The following MIA3 variants were observed in gnomAD, a reference collection of about 807,000 sequenced individuals.
MIA3 encodes MIA SH3 domain ER export factor 3, also known as transport and Golgi organization protein 1 homolog.
MIA3 carries 90 observed loss-of-function variants against 192.4 expected under a neutral mutation model. The ratio of observed to expected loss-of-function variants is 0.47; its 90% CI spans 0.39 to 0.56. The LOEUF is 0.56. MIA3 is among the 20% of genes least tolerant of loss of function. The pLI, the probability that MIA3 is intolerant of heterozygous loss-of-function variation, is 0.00. For missense variants in MIA3, 2,123 were observed against 2,269.4 expected, an observed-to-expected ratio of 0.94 and a Z score of 1.31; for synonymous variants, 740 against 792.8, an observed-to-expected ratio of 0.93 and a Z score of 1.12.
At chr1:222,638,213 A>G (rs2124870671) in intron 6 of MIA3, among the ~76,000 whole-genome samples, 1 of 152,338 alleles carries the variant, frequency 6.6e-6, no homozygotes, top group Middle Eastern at 3.4e-3. Context: ...ATTATCAGCC[A>G]TAAAACAAGT....
chr1:222,635,736 ATAGT>A (rs1339903835), intron 6 of MIA3, among the ~76,000 whole-genome samples: 1 of 152,180 alleles, frequency 6.6e-6, no homozygotes, highest in Non-Finnish European at 1.5e-5. Flanking sequence ...TAATTGATGA[ATAGT>A]TAGTGGAATC....
rs148013914 is a variant in MIA3, at chr1:222,621,809, G to GT, written c.267+520dup. On this transcript the variant is annotated intron_variant, in intron 2 of 27. Transcript: ENST00000344922. ...TTGTTTCTCGTGTGCTTTCTTGTTT[G>GT]TTTGTTTTTTTTTTTTTGAGGCGGA... Among the ~76,000 whole-genome samples, 38 of 97,216 alleles carry GT rather than the reference G, an allele frequency of 3.9e-4. 1 individual carries two copies. The highest frequency in any genetic ancestry group is 1.6e-3 in the South Asian group (5 of 3,042). The allele number at this position is 97,216 out of a possible 152,430, so 63.8% of individuals were successfully genotyped here. A position where few individuals can be genotyped will look rare whatever the true frequency, so the allele number is the denominator to read the frequency against.
rs1664151023 is a variant in MIA3, at chr1:222,663,994, G to T, written c.5263-4G>T. ...TCAAAACTTCAATTGTTTCTACTCTGCAGGTTAATATGGCTCCAAAAGGGC... is the reference window on the plus strand; with the variant it reads ...TCAAAACTTCAATTGTTTCTACTCTTCAGGTTAATATGGCTCCAAAAGGGC... On this transcript the variant is annotated splice_polypyrimidine_tract_variant and splice_region_variant and intron_variant, in intron 26 of 27. Transcript: ENST00000344922. 2 of 1,609,462 alleles carry T rather than the reference G, an allele frequency of 1.2e-6. No individual in the cohort carries two copies. The highest frequency in any genetic ancestry group is 1.7e-5 in the Admixed American group (1 of 58,962).
intron 18 of MIA3, among the ~76,000 whole-genome samples, chr1:222,656,008 C>T (rs922235216): frequency 2.0e-4 from 29 of 144,748 alleles, no homozygotes; most frequent in African/African-American, 5.9e-4. Flanking sequence ...CTCACTCTGC[C>T]GCCCAGGCTG....
intron 2 of MIA3, among the ~76,000 whole-genome samples, chr1:222,623,765 A>G (rs1661983799): frequency 6.6e-6 from 1 of 152,066 alleles, no homozygotes; most frequent in Non-Finnish European, 1.5e-5. Context: ...TGGGAGATCT[A>G]CCTCTCCTTT....
At position 222,628,263 on chromosome 1, in the gene MIA3, A is replaced by T. The variant is rs776382957; in HGVS notation, c.1043A>T (p.Glu348Val). The T allele has an allele frequency of 1.2e-6, 2 of 1,614,132 alleles. No individual in the cohort carries two copies. Among genetic ancestry groups the T allele is most frequent in the Non-Finnish European group, 1.7e-6 (2 of 1,180,028 alleles). The change falls in exon 4 of 28, where the codon GAG becomes GTG. Residue 348 changes from glutamate to valine, a missense_variant. Glu to Val is a moderately radical substitution (Grantham distance 121). This residue lies in a region of MIA3 where 1,357 missense variants were observed against 1,396.1 expected (regional missense o/e 0.97). Coordinates refer to ENST00000344922, the MANE Select transcript of MIA3 (RefSeq NM_198551.4). Reference sequence around the variant, plus strand: ...AAAACTCCAGCAAAGTCTGGCGTTGAGAAATATCCAACAGATAAAGAGCAG... The same window carrying T: ...AAAACTCCAGCAAAGTCTGGCGTTGTGAAATATCCAACAGATAAAGAGCAG... The part of the protein sequence containing the change: ...DMKTPAKSGV[E>V]KYPTDKEQNS...
At chr1:222,662,397 C>G (rs1664062959) in intron 26 of MIA3, 65 bp downstream of exon 26, 3 of 1,585,982 alleles carry the variant, frequency 1.9e-6, no homozygotes, top group Admixed American at 3.3e-5. Flanking sequence ...ACAACTCTCT[C>G]TTTGCCTCAT....
chr1:222,664,317 A>T (rs1664171859), intron 27 of MIA3, among the ~76,000 whole-genome samples, 169 bp downstream of exon 27: 1 of 152,196 alleles, frequency 6.6e-6, no homozygotes, highest in Non-Finnish European at 1.5e-5. Flanking sequence ...GTGCTACATA[A>T]TCTCCTGTGA....
At chr1:222,651,799 C>G (rs570307413) in intron 11 of MIA3, among the ~76,000 whole-genome samples, 178 bp from the exon 12 acceptor site, 25 of 152,192 alleles carry the variant, frequency 1.6e-4, no homozygotes, top group South Asian at 1.0e-3. Flanking sequence ...GATTATTTTC[C>G]CTTACCTCTT....
chr1:222,656,161 T>C lies in MIA3; in HGVS notation c.4607+1368T>C, dbSNP rs978443614. On this transcript the variant is annotated intron_variant, in intron 18 of 27. Coordinates refer to ENST00000344922, the MANE Select transcript of MIA3 (RefSeq NM_198551.4). The stretch of plus-strand genomic sequence containing the variant: ...ATTTTTTTTGTATTTTTAGTAGAGA[T>C]GGGGTTTCACCTGTGTTAGCCAGGA... Among the ~76,000 whole-genome samples, 18 of 151,706 alleles carry C rather than the reference T, an allele frequency of 1.2e-4. No individual in the cohort carries two copies. In the East Asian group the frequency reaches 2.3e-3, roughly 20 times the overall value.
rs952728879 is a variant in MIA3, at chr1:222,650,689, C to G, written c.3776C>G (p.Ser1259Cys). Residue 1259 changes from serine to cysteine, a missense_variant, in exon 10 of 28, where the codon TCT becomes TGT. Physicochemically the swap from Ser to Cys is moderately radical, Grantham distance 112. This residue lies in a region of MIA3 where 762 missense variants were observed against 856.4 expected (regional missense o/e 0.89). Transcript: ENST00000344922. ...QETRKQNMIL[S>C]DEAIKYKDKI... ...ACCAGGAAACAAAATATGATTCTCT[C>G]TGATGAAGCAATTAAATATAAGGTA... 1 of 1,597,422 alleles carries G rather than the reference C, an allele frequency of 6.3e-7. No individual in the cohort carries two copies. Among genetic ancestry groups the G allele is most frequent in the Non-Finnish European group, 8.5e-7 (1 of 1,170,888 alleles).
chr1:222,641,262 T>C (rs1453861252), intron 6 of MIA3, among the ~76,000 whole-genome samples: 1 of 152,250 alleles, frequency 6.6e-6, no homozygotes, highest in Non-Finnish European at 1.5e-5. Context: ...TATACATGCA[T>C]AGAAAGACTT....
intron 6 of MIA3, among the ~76,000 whole-genome samples, chr1:222,643,230 G>C (rs1362129219): frequency 6.6e-6 from 1 of 152,164 alleles, no homozygotes; most frequent in Non-Finnish European, 1.5e-5. Context: ...ATGAGAAAAA[G>C]ATCCAGTTTT....
intron 6 of MIA3, among the ~76,000 whole-genome samples, chr1:222,643,546 G>GT (rs1558185186): frequency 6.6e-6 from 1 of 152,058 alleles, no homozygotes; most frequent in Non-Finnish European, 1.5e-5. Flanking sequence ...TCTAAAAATG[G>GT]TATTTTTTAT....
At position 222,643,356 on chromosome 1, in the gene MIA3, T is replaced by G. The variant is rs75803733; in HGVS notation, c.3478-2198T>G. 1.5e-3 allele frequency among the ~76,000 whole-genome samples: 226 copies of G among 152,320 alleles called. 6 individuals are homozygous for G. In the South Asian group the frequency reaches 0.021, roughly 14 times the overall value. On this transcript the variant is annotated intron_variant, in intron 6 of 27. Coordinates refer to ENST00000344922, the MANE Select transcript of MIA3 (RefSeq NM_198551.4). ...CAGTTGGGTCTATTTCTGGATTTTT[T>G]ATTCTGCCCCGTGGTCGGTCTGCAT...
intron 6 of MIA3, among the ~76,000 whole-genome samples, chr1:222,642,988 T>C (rs1452451619): frequency 6.6e-6 from 1 of 152,222 alleles, no homozygotes; most frequent in East Asian, 1.9e-4. Context: ...TAGGTTACCA[T>C]TGCCAAAGTT....
chr1:222,647,693 A>G (rs565925890), intron 7 of MIA3, among the ~76,000 whole-genome samples: 1 of 152,268 alleles, frequency 6.6e-6, no homozygotes, highest in South Asian at 2.1e-4. Flanking sequence ...AGAAAGTTAT[A>G]TAGGCTCTGT....
At chr1:222,642,051 G>A (rs959955090) in intron 6 of MIA3, among the ~76,000 whole-genome samples, 10 of 152,056 alleles carry the variant, frequency 6.6e-5, no homozygotes, top group African/African-American at 2.2e-4. Flanking sequence ...AAATATAATC[G>A]TGCATTATTA....
intron 26 of MIA3, 156 bp downstream of exon 26, chr1:222,662,488 T>G (rs1664068329): frequency 6.9e-7 from 1 of 1,457,798 alleles, no homozygotes; most frequent in African/African-American, 1.4e-5. Flanking sequence ...TGAAGTCCCC[T>G]CAGTTCCCAG....
Sources: allele counts gnomAD v4.1 joint callset (sites outside exome capture counted in the v4.1 genomes callset), GRCh38; gene constraint gnomAD v4.1.1; regional missense constraint gnomAD v4.1.1; transcripts MANE v1.5; gene names NCBI Gene and HGNC (gene_info 2026-07-23, HGNC 2026-07-21).